ZNF143: variants seen among roughly 807,000 people sequenced by gnomAD.
ZNF143 encodes SPH-binding factor.
ZNF143 carries 49 observed loss-of-function variants against 74.1 expected under a neutral mutation model. The ratio of observed to expected loss-of-function variants is 0.66; its 90% CI spans 0.53 to 0.84. ZNF143 has a LOEUF of 0.84. Among genes scored for constraint, ZNF143 ranks in the 40% least tolerant of loss-of-function variants. The pLI is 0.00. For missense variants in ZNF143, 637 were observed against 793.4 expected (o/e 0.80, Z 2.37); for synonymous variants, 304 against 282.8 (o/e 1.07, Z -0.75).
intron 6 of ZNF143, among the ~76,000 whole-genome samples, chr11:9,479,094 C>T (rs1002545655): frequency 1.3e-5 from 2 of 151,648 alleles, no homozygotes; most frequent in African/African-American, 2.4e-5. Context: ...TTTTCCCCTG[C>T]ATTGAACATG....
intron 2 of ZNF143, among the ~76,000 whole-genome samples, chr11:9,471,935 GTTT>G (rs11285095): frequency 7.3e-6 from 1 of 136,782 alleles, no homozygotes. Flanking sequence ...CTTTTCTTTT[GTTT>G]TTTTTTTTTG....
intron 12 of ZNF143, among the ~76,000 whole-genome samples, chr11:9,512,219 C>G (rs1415025471): frequency 6.6e-6 from 1 of 152,142 alleles, no homozygotes; most frequent in Non-Finnish European, 1.5e-5. Flanking sequence ...AATCAGAACA[C>G]TTAAATTTGA....
At chr11:9,516,501 C>A in intron 14 of ZNF143, 139 bp downstream of exon 14, 1 of 763,064 alleles carries the variant, frequency 1.3e-6, no homozygotes, top group African/African-American at 1.7e-5. Context: ...CTACTTAACC[C>A]TCAGAGCCTG....
chr11:9,491,681 G>A (rs528041742), intron 7 of ZNF143, among the ~76,000 whole-genome samples: 3 of 152,098 alleles, frequency 2.0e-5, no homozygotes, highest in African/African-American at 7.2e-5. Flanking sequence ...CCCAGGATGC[G>A]TTGCAGTGGC....
At chr11:9,513,162 T>C (rs11042401) in intron 13 of ZNF143, among the ~76,000 whole-genome samples, 7,682 of 152,310 alleles carry the variant, frequency 0.05, 267 homozygotes, top group South Asian at 0.076. Flanking sequence ...GATTCCATTT[T>C]TAAGCTCTAG....
intron 15 of ZNF143, among the ~76,000 whole-genome samples, chr11:9,526,576 C>G (rs539139164): frequency 4.9e-4 from 72 of 147,076 alleles, no homozygotes; most frequent in African/African-American, 1.6e-3. Flanking sequence ...TTGTCTCTTG[C>G]ATGTATGAAT....
chr11:9,493,765 A>ATTC (rs1041508066), intron 7 of ZNF143, among the ~76,000 whole-genome samples: 1 of 152,182 alleles, frequency 6.6e-6, no homozygotes, highest in African/African-American at 2.4e-5. Flanking sequence ...GTAGAAAGTC[A>ATTC]TTCTTCCATT....
chr11:9,476,480 C>T (rs138049098), intron 5 of ZNF143, among the ~76,000 whole-genome samples: 2 of 152,038 alleles, frequency 1.3e-5, no homozygotes, highest in African/African-American at 4.8e-5. Context: ...TCAAGCGATT[C>T]TCCTGCCTCA....
rs1359594146 is a variant in ZNF143 at position 9,485,743 on chromosome 11, G to C, written c.645+6197G>C. Among the ~76,000 whole-genome samples the C allele has an allele frequency of 2.0e-5, 3 of 151,498 alleles. 1 individual carries two copies. Among genetic ancestry groups the C allele is most frequent in the Admixed American group, 2.0e-4 (3 of 15,208 alleles). ...TAGGATTGTTTCCTTTCTTCAAAGAGAATACATTTTTAAAAATTCAAGTTG... is the reference window on the plus strand; with the variant it reads ...TAGGATTGTTTCCTTTCTTCAAAGACAATACATTTTTAAAAATTCAAGTTG... On this transcript the variant is annotated intron_variant, in intron 7 of 15. Coordinates refer to ENST00000396602, the MANE Select transcript of ZNF143 (RefSeq NM_003442.6).
At chr11:9,487,622 G>T (rs547763606) in intron 7 of ZNF143, among the ~76,000 whole-genome samples, 2 of 152,320 alleles carry the variant, frequency 1.3e-5, no homozygotes, top group Admixed American at 1.3e-4. Context: ...CTCCCAGAGT[G>T]CTGGGAGCCA....
In ZNF143 at chr11:9,483,632, C is replaced by T. The variant is rs1440622010; in HGVS notation, c.645+4086C>T. The stretch of plus-strand genomic sequence containing the variant: ...ATTTATTTATTTTTTGAGACTGAGT[C>T]TTGCTCTGTCGCTTAGGCTGGAGTG... On this transcript the variant is annotated intron_variant, in intron 7 of 15. Coordinates refer to ENST00000396602, the MANE Select transcript of ZNF143 (RefSeq NM_003442.6). Among the ~76,000 whole-genome samples, 68 of 150,588 alleles carry T rather than the reference C, an allele frequency of 4.5e-4. 1 individual carries two copies. The highest frequency in any genetic ancestry group is 1.5e-5 in the Non-Finnish European group (1 of 67,932).
chr11:9,527,684 G>C lies in ZNF143; in HGVS notation c.*71G>C. 1 of 1,447,486 alleles carries C rather than the reference G, an allele frequency of 6.9e-7. No individual in the cohort carries two copies. 89.7% of individuals were successfully genotyped at this position (1,447,486 alleles called of 1,614,324 possible). ...CTGGCAGCAGAAATCCATGAAGCCC[G>C]GGCCCAGGAAAATTAGAAGTTTTCC... On this transcript the variant is annotated 3_prime_UTR_variant, in exon 16 of 16. Transcript: ENST00000396602.
intron 11 of ZNF143, among the ~76,000 whole-genome samples, chr11:9,503,398 G>T (rs1848237788): frequency 6.6e-6 from 1 of 152,096 alleles, no homozygotes; most frequent in Non-Finnish European, 1.5e-5. Flanking sequence ...GGGTCATATG[G>T]TAACTCCATG....
At chr11:9,486,408 A>AT (rs1847515854) in intron 7 of ZNF143, among the ~76,000 whole-genome samples, 1 of 26,324 alleles carries the variant, frequency 3.8e-5, no homozygotes, top group Non-Finnish European at 6.7e-5. Context: ...TATATTATAT[A>AT]TATAATATAT....
chr11:9,501,925 CTTTTTTTTTTTT>C lies in ZNF143; in HGVS notation c.1147+672_1147+683del, dbSNP rs57169874. On this transcript the variant is annotated intron_variant, in intron 11 of 15. Coordinates refer to ENST00000396602, the MANE Select transcript of ZNF143 (RefSeq NM_003442.6). ...GGGCGGGGTGGTCTATGGATATATTCTTTTTTTTTTTTTTTTTTTTTTTTTTTTGGGATGGAG... is the reference window on the plus strand; with the variant it reads ...GGGCGGGGTGGTCTATGGATATATTCTTTTTTTTTTTTTTTTGGGATGGAG... Among the ~76,000 whole-genome samples the C allele has an allele frequency of 2.2e-3, 84 of 37,450 alleles. 2 individuals carry two copies. Among genetic ancestry groups the C allele is most frequent in the Middle Eastern group, 0.026 (1 of 38 alleles). The allele number at this position is 37,450 out of a possible 152,430, so 24.6% of individuals were successfully genotyped here.
intron 1 of ZNF143, among the ~76,000 whole-genome samples, chr11:9,467,978 T>C (rs1856348369): frequency 1.3e-5 from 2 of 152,142 alleles, no homozygotes; most frequent in Admixed American, 1.3e-4. Flanking sequence ...GCATATACAG[T>C]GTTCCTCTTG....
intron 11 of ZNF143, among the ~76,000 whole-genome samples, chr11:9,506,169 A>G (rs1848358047): frequency 1.3e-5 from 2 of 152,090 alleles, no homozygotes; most frequent in South Asian, 4.1e-4. Flanking sequence ...ATTCTCTACC[A>G]AAAAATACAA....
intron 7 of ZNF143, among the ~76,000 whole-genome samples, chr11:9,486,363 T>TTA (rs1554964372): frequency 0.036 from 1,456 of 41,006 alleles, 71 homozygotes; most frequent in Non-Finnish European, 0.054. Context: ...TATATATATA[T>TTA]TATATATAAT....
chr11:9,494,917 C>T, intron 8 of ZNF143, 152 bp downstream of exon 8: 1 of 808,496 alleles, frequency 1.2e-6, no homozygotes, highest in South Asian at 2.0e-5. Flanking sequence ...CATGTAAAAA[C>T]CTATGCGGAC....
Sources: gnomAD v4.1 joint callset for allele counts (sites outside exome capture counted in the v4.1 genomes callset) on GRCh38, gnomAD v4.1.1 for gene constraint, MANE v1.5 for transcripts, NCBI Gene and HGNC (gene_info 2026-07-23, HGNC 2026-07-21) for gene names.